The following FCGR1A variants were observed in gnomAD, a reference collection of about 807,000 sequenced individuals.
FCGR1A encodes Fc gamma receptor Ia.
A neutral mutation model predicts 35.0 loss-of-function variants in FCGR1A; 13 were observed. The ratio of observed to expected loss-of-function variants is 0.37; its 90% CI spans 0.24 to 0.59. FCGR1A has a LOEUF of 0.59. FCGR1A is among the 20% of genes least tolerant of loss of function. The pLI is 0.71. For missense variants in FCGR1A, 227 were observed against 430.0 expected (o/e 0.53, Z 4.17); for synonymous variants, 91 against 164.7 (o/e 0.55, Z 3.43).
downstream of FCGR1A, among the ~76,000 whole-genome samples, chr1:149,796,466 A>G (rs587686072): frequency 3.9e-3 from 597 of 152,336 alleles, 7 homozygotes; most frequent in African/African-American, 0.014. Context: ...CTGTGACTTC[A>G]AGGCCCAGTT....
intron 3 of FCGR1A, chr1:149,786,741 T>C (rs587750450): frequency 6.6e-6 from 1 of 152,366 alleles, no homozygotes; most frequent in South Asian, 2.1e-4. Context: ...CATTTAAGTT[T>C]AAAAACTCAT....
the FCGR1A span, among the ~76,000 whole-genome samples, chr1:149,798,703 C>A: frequency 6.6e-6 from 1 of 152,006 alleles, no homozygotes; most frequent in Non-Finnish European, 1.5e-5. Context: ...CCTTGACCTC[C>A]TAGGCTCAAG....
intron 3 of FCGR1A, chr1:149,785,896 G>A (rs1458041457): frequency 6.6e-6 from 1 of 151,962 alleles, no homozygotes; most frequent in Non-Finnish European, 1.5e-5. Flanking sequence ...CTACGGTATG[G>A]GACAGGATGT....
intron 5 of FCGR1A, among the ~76,000 whole-genome samples, chr1:149,790,653 A>C (rs2091685213): frequency 3.0e-5 from 4 of 131,172 alleles, no homozygotes; most frequent in Admixed American, 8.2e-5. Context: ...CCTCCACTCC[A>C]TGACCCCCCC....
downstream of FCGR1A, among the ~76,000 whole-genome samples, chr1:149,793,806 C>A (rs1286188471): frequency 1.3e-5 from 2 of 151,840 alleles, no homozygotes; most frequent in African/African-American, 4.9e-5. Flanking sequence ...AGTTCAGGCC[C>A]GTTTCAGAAC....
At chr1:149,793,395 C>G (rs1340629403), downstream of FCGR1A, among the ~76,000 whole-genome samples, 4 of 152,044 alleles carry the variant, frequency 2.6e-5, no homozygotes, top group Admixed American at 1.3e-4. Context: ...AGGCTCCAGG[C>G]TCCGCAGGGG....
At chr1:149,793,454 A>G (rs2091762672), downstream of FCGR1A, among the ~76,000 whole-genome samples, 1 of 152,110 alleles carries the variant, frequency 6.6e-6, no homozygotes, top group African/African-American at 2.4e-5. Context: ...ACAAGGGCCC[A>G]CGGCCCATCC....
chr1:149,788,645 G>C (rs782615623), intron 4 of FCGR1A, 28 bp downstream of exon 4: 3 of 1,613,714 alleles, frequency 1.9e-6, no homozygotes, highest in Admixed American at 1.7e-5. Context: ...TCATAGAACT[G>C]ATAGTCCCTC....
Position 149,784,148 on chromosome 1 carries a change from G to A in FCGR1A, c.198G>A (p.Ser66=), listed in dbSNP as rs12029829. The change falls in exon 3 of 6, where the codon TCG becomes TCA. Residue 66 remains serine (S), a synonymous_variant. Coordinates refer to ENST00000369168, the MANE Select transcript of FCGR1A (RefSeq NM_000566.4). ...WFLNGTATQT[S]TPSYRITSAS... is the part of the protein sequence containing the mutation. ...TCAATGGCACAGCCACTCAGACCTCGACCCCCAGCTACAGAATCACCTCTG... is the reference window on the plus strand; with the variant it reads ...TCAATGGCACAGCCACTCAGACCTCAACCCCCAGCTACAGAATCACCTCTG... 56 of 1,611,466 alleles carry A rather than the reference G, an allele frequency of 3.5e-5. No homozygotes were observed. The highest frequency in any genetic ancestry group is 1.7e-4 in the Admixed American group (10 of 59,948).
In FCGR1A at chr1:149,790,157, T is replaced by C. The variant is rs587608442; in HGVS notation, c.663T>C (p.Pro221=). 163 of 1,613,968 alleles carry C rather than the reference T, an allele frequency of 1.0e-4. No homozygotes were observed. The East Asian group carries it at 3.6e-3, about 35-fold the overall frequency. Residue 221 remains proline (P), a synonymous_variant, in exon 5 of 6, where the codon CCT becomes CCC. Coordinates refer to ENST00000369168, the MANE Select transcript of FCGR1A (RefSeq NM_000566.4). ...AAACAAAGTTGCTCTTGCAGAGGCC[T>C]GGTTTGCAGCTTTACTTCTCCTTCT... ...SCETKLLLQR[P]GLQLYFSFYM... is the part of the protein sequence containing the mutation.
chr1:149,793,982 T>C (rs1464764658), downstream of FCGR1A: 18 of 998,502 alleles, frequency 1.8e-5, no homozygotes, highest in Non-Finnish European at 1.4e-6. Context: ...GCCCAGCGAT[T>C]CCAGCCCTGA....
chr1:149,792,850 G>C (rs587752082), downstream of FCGR1A: 1,613 of 1,268,546 alleles, frequency 1.3e-3, 21 homozygotes, highest in Non-Finnish European at 1.5e-3. Flanking sequence ...AGAGCAAGGG[G>C]TCGCCGTTCG....
intron 4 of FCGR1A, among the ~76,000 whole-genome samples, chr1:149,789,497 G>C (rs2091645643): frequency 6.6e-6 from 1 of 152,200 alleles, no homozygotes; most frequent in Non-Finnish European, 1.5e-5. Context: ...AAAAGGGCAT[G>C]GTTACTGACC....
downstream of FCGR1A, chr1:149,793,880 G>C (rs2091768858): frequency 7.8e-7 from 1 of 1,285,426 alleles, no homozygotes; most frequent in Non-Finnish European, 1.0e-6. Flanking sequence ...GGGTAAAACA[G>C]GAAGAGTTGG....
At chr1:149,786,279 TTGTC>T (rs1169704544) in intron 3 of FCGR1A, 3 of 152,230 alleles carry the variant, frequency 2.0e-5, no homozygotes, top group East Asian at 3.8e-4. Context: ...AATTTTTCTA[TTGTC>T]TGTCTTTTTC....
intron 3 of FCGR1A, chr1:149,787,091 A>G (rs1430919524): frequency 3.9e-5 from 6 of 152,250 alleles, no homozygotes; most frequent in African/African-American, 1.4e-4. Flanking sequence ...TTTTGGATAT[A>G]TAAAGCAAAG....
chr1:149,793,019 G>C, downstream of FCGR1A: 7 of 1,264,572 alleles, frequency 5.5e-6, no homozygotes, highest in Non-Finnish European at 6.1e-6. Context: ...CTCCAACCCC[G>C]CCCCGGGCCC....
chr1:149,792,418 A>G (rs1187808694), downstream of FCGR1A: 23 of 729,442 alleles, frequency 3.2e-5, no homozygotes, highest in Admixed American at 4.7e-4. Context: ...TGGAGACAAA[A>G]TATTTTCCTG....
chr1:149,784,284 C>T lies in FCGR1A; in HGVS notation c.307+27C>T, dbSNP rs782586399. 1.9e-5 allele frequency: 31 copies of T among 1,609,120 alleles called. 1 individual carries two copies. The highest frequency in any genetic ancestry group is 1.7e-4 in the Admixed American group (10 of 59,966). The stretch of plus-strand genomic sequence containing the variant: ...TAATTATGACTTGGACCAGGAGGGC[C>T]GGAAACCACAAGGTCTTCCTCTGCG... On this transcript the variant is annotated intron_variant, in intron 3 of 5. Transcript: ENST00000369168.
Sources: allele counts gnomAD v4.1 joint callset (sites outside exome capture counted in the v4.1 genomes callset), GRCh38; gene constraint gnomAD v4.1.1; transcripts MANE v1.5; gene names NCBI Gene and HGNC (gene_info 2026-07-23, HGNC 2026-07-21).